The following PCNX4 variants were observed in gnomAD, a reference collection of about 807,000 sequenced individuals.
The protein encoded by PCNX4 is pecanex 4.
A neutral mutation model predicts 107.2 loss-of-function variants in PCNX4; 103 were observed. The ratio of observed to expected loss-of-function variants is 0.96; its 90% CI spans 0.82 to 1.13. PCNX4 has a LOEUF of 1.13. Among genes scored for constraint, PCNX4 ranks in the 50% most tolerant of loss-of-function variants. PCNX4 has a pLI of 0.00. For synonymous variants in PCNX4, 541 were observed against 481.7 expected, an observed-to-expected ratio of 1.12 and a Z score of -1.61; for missense variants, 1,528 against 1,379.4, an observed-to-expected ratio of 1.11 and a Z score of -1.71.
rs997539106 is a variant in PCNX4 at position 60,115,231 on chromosome 14, T to C, written c.1127T>C (p.Phe376Ser). The C allele has an allele frequency of 3.7e-6, 6 of 1,613,236 alleles. No individual in the cohort carries two copies. The highest frequency in any genetic ancestry group is 1.3e-5 in the African/African-American group (1 of 74,896). Residue 376 changes from phenylalanine to serine, a missense_variant, in exon 4 of 11, where the codon TTT becomes TCT. Coordinates refer to ENST00000406854, the MANE Select transcript of PCNX4 (RefSeq NM_001330177.2). ...TTAGAAACTAGCTTGCTTCATCACTTTGCTGGCTTCTCACAGATTTCTAAA... is the reference window on the plus strand; with the variant it reads ...TTAGAAACTAGCTTGCTTCATCACTCTGCTGGCTTCTCACAGATTTCTAAA... ...ALLETSLLHH[F>S]AGFSQISKSN...
At chr14:60,117,804 T>G (rs1895879015) in intron 6 of PCNX4, among the ~76,000 whole-genome samples, 1 of 152,180 alleles carries the variant, frequency 6.6e-6, no homozygotes. Context: ...TGGTAGAAGT[T>G]GGTGAAGGAT....
At chr14:60,103,087 T>G (rs967494619) in intron 1 of PCNX4, among the ~76,000 whole-genome samples, 2 of 152,224 alleles carry the variant, frequency 1.3e-5, no homozygotes, top group East Asian at 3.8e-4. Flanking sequence ...AGGTCTGATA[T>G]GCTTGCTACC....
chr14:60,133,983 G>T lies in PCNX4; in HGVS notation c.3281G>T (p.Gly1094Val). Residue 1094 changes from glycine to valine, a missense_variant, in exon 11 of 11, where the codon GGG (glycine) becomes GTG (valine). By Grantham distance (109) the Gly-to-Val change is moderately radical. Transcript: ENST00000406854. Reference sequence around the variant, plus strand: ...TTTACTTTAAAGGGAATTTACACTGGGAGAGTGCTTAGCCTTCAAGAATTA... The same window carrying T: ...TTTACTTTAAAGGGAATTTACACTGTGAGAGTGCTTAGCCTTCAAGAATTA... Reference protein sequence around the residue: ...GYDSNMGIYTGRVLSLQELLI... With the variant: ...GYDSNMGIYTVRVLSLQELLI... 6.2e-7 allele frequency: 1 copy of T among 1,612,476 alleles called. No individual in the cohort carries two copies. Among genetic ancestry groups the T allele is most frequent in the Non-Finnish European group, 8.5e-7 (1 of 1,179,066 alleles).
chr14:60,120,607 A>G (rs1389478762), intron 7 of PCNX4, among the ~76,000 whole-genome samples: 2 of 152,224 alleles, frequency 1.3e-5, no homozygotes, highest in Non-Finnish European at 2.9e-5. Flanking sequence ...AAACATCTGA[A>G]AAGTTTATCA....
chr14:60,105,901 A>G (rs1895619155), intron 1 of PCNX4, among the ~76,000 whole-genome samples: 1 of 152,180 alleles, frequency 6.6e-6, no homozygotes, highest in South Asian at 2.1e-4. Flanking sequence ...TTCAAAATCC[A>G]GTCTATCCCT....
chr14:60,115,619 C>G (rs1456137454), intron 4 of PCNX4, 100 bp from the exon 5 acceptor site: 112 of 1,343,076 alleles, frequency 8.3e-5, no homozygotes, highest in Non-Finnish European at 1.1e-4. Context: ...TAGTTCATCG[C>G]TTAAATGTGC....
In PCNX4 at chr14:60,092,263, GGGCCGCGGTGAGCTCGTTATTC is replaced by G. The variant is rs1895313668; in HGVS notation, c.-203_-182del. On this transcript the variant is annotated 5_prime_UTR_variant, in exon 1 of 11. It introduces an in-frame stop codon into an upstream open reading frame of the 5' UTR. Transcript: ENST00000406854. ...TGGAAACCGAGAGCTGGCCCGGGCGGGGCCGCGGTGAGCTCGTTATTCGGCCGCCGCAGCTTTTCTGCCTCCG... is the reference window on the plus strand; with the variant it reads ...TGGAAACCGAGAGCTGGCCCGGGCGGGGCCGCCGCAGCTTTTCTGCCTCCG... 6.6e-6 allele frequency: 1 copy of G among 152,284 alleles called. No homozygotes were observed. Among genetic ancestry groups the G allele is most frequent in the Non-Finnish European group, 1.5e-5 (1 of 68,068 alleles). 9.4% of individuals were successfully genotyped at this position (152,284 alleles called of 1,614,324 possible). A position where few individuals can be genotyped will look rare whatever the true frequency, so the allele number is the denominator to read the frequency against.
At chr14:60,114,554 A>C in intron 2 of PCNX4, 146 bp from the exon 3 acceptor site, 1 of 600,646 alleles carries the variant, frequency 1.7e-6, no homozygotes, top group Non-Finnish European at 2.8e-6. Context: ...ATCATTTGTA[A>C]GTTGGGACTA....
intron 7 of PCNX4, 103 bp from the exon 8 acceptor site, chr14:60,121,093 C>A: frequency 7.3e-7 from 1 of 1,365,426 alleles, no homozygotes; most frequent in Non-Finnish European, 9.7e-7. Flanking sequence ...AGTCGTGAAT[C>A]AGTTCTAGAT....
At position 60,136,196 on chromosome 14, in the gene PCNX4, G is replaced by A. The variant is rs1274942745; in HGVS notation, c.*1975G>A. On this transcript the variant is annotated 3_prime_UTR_variant, in exon 11 of 11. Coordinates refer to ENST00000406854, the MANE Select transcript of PCNX4 (RefSeq NM_001330177.2). ...TAATTGACACATTTGACCATTCCTT[G>A]AAGCAGCTTTTGTGTTTTCTTTTGA... 2 of 151,616 alleles carry A rather than the reference G, an allele frequency of 1.3e-5. No individual in the cohort carries two copies. The highest frequency in any genetic ancestry group is 2.9e-5 in the Non-Finnish European group (2 of 67,922). The allele number at this position is 151,616 out of a possible 1,614,324, so 9.4% of individuals were successfully genotyped here.
rs1895388197 is a variant in PCNX4, at chr14:60,094,752, T to G, written c.-54+2333T>G. Reference sequence around the variant, plus strand: ...GCAGGTTTTTGCAATATACTTGTGTTGCTGTAGAGCCCCCCCCCACCCCCA... The same window carrying G: ...GCAGGTTTTTGCAATATACTTGTGTGGCTGTAGAGCCCCCCCCCACCCCCA... On this transcript the variant is annotated intron_variant, in intron 1 of 10. Transcript: ENST00000406854. Among the ~76,000 whole-genome samples, 7 of 76,640 alleles carry G rather than the reference T, an allele frequency of 9.1e-5. No individual in the cohort carries two copies. In the Admixed American group the frequency reaches 9.7e-4, roughly 11 times the overall value. 50.3% of individuals were successfully genotyped at this position (76,640 alleles called of 152,430 possible).
At chr14:60,118,259 C>G (rs1895887830) in intron 6 of PCNX4, 70 bp from the exon 7 acceptor site, 1 of 1,455,210 alleles carries the variant, frequency 6.9e-7, no homozygotes, top group Non-Finnish European at 9.1e-7. Flanking sequence ...TATAGTCTGT[C>G]TTATATGATC....
At position 60,118,674 on chromosome 14, in the gene PCNX4, A is replaced by G. The variant is rs141616211; in HGVS notation, c.1924A>G (p.Met642Val). 3.0e-5 allele frequency: 48 copies of G among 1,578,456 alleles called. No homozygotes were observed. In the African/African-American group the frequency reaches 4.2e-4, roughly 14 times the overall value. Residue 642 changes from methionine (M) to valine (V), a missense_variant, in exon 7 of 11, where the codon ATG becomes GTG. Met to Val is a conservative substitution (Grantham distance 21, BLOSUM62 1). Transcript: ENST00000406854. ...GTTGACTGCTGTACTGCAGACTGCA[A>G]TGGCAGCTGGAAGTTTAGGTAAGTA... is the stretch of plus-strand genomic sequence containing the variant. ...PRLTAVLQTAMAAGSLGLLLP... is the reference protein window; with the variant it reads ...PRLTAVLQTAVAAGSLGLLLP...
intron 2 of PCNX4, among the ~76,000 whole-genome samples, chr14:60,111,409 AATACC>A (rs1895738743): frequency 6.6e-6 from 1 of 152,216 alleles, no homozygotes; most frequent in Non-Finnish European, 1.5e-5. Flanking sequence ...TTGGTTTTTT[AATACC>A]TCTACCATTT....
At chr14:60,112,758 T>G (rs1377692984) in intron 2 of PCNX4, among the ~76,000 whole-genome samples, 1 of 152,240 alleles carries the variant, frequency 6.6e-6, no homozygotes, top group Non-Finnish European at 1.5e-5. Context: ...ACTATTTATG[T>G]GTGGTTTGAT....
intron 1 of PCNX4, among the ~76,000 whole-genome samples, chr14:60,105,836 A>G (rs1278969917): frequency 2.0e-5 from 3 of 152,230 alleles, no homozygotes; most frequent in African/African-American, 7.2e-5. Flanking sequence ...CAGTAGAGCC[A>G]GAAGGGCCAA....
At position 60,115,362 on chromosome 14, in the gene PCNX4, C is replaced by G. The variant is rs757323521; in HGVS notation, c.1258C>G (p.Pro420Ala). 5 of 1,603,480 alleles carry G rather than the reference C, an allele frequency of 3.1e-6. No homozygotes were observed. Among genetic ancestry groups the G allele is most frequent in the Non-Finnish European group, 4.3e-6 (5 of 1,174,368 alleles). ...ATATATCATTGGAATTTTCCGAAATCCCTTTTATCCGAAGGATGTGCAAAC... is the reference window on the plus strand; with the variant it reads ...ATATATCATTGGAATTTTCCGAAATGCCTTTTATCCGAAGGATGTGCAAAC... ...SVYIIGIFRN[P>A]FYPKDVQTVT... Residue 420 changes from proline to alanine, a missense_variant, in exon 4 of 11, where the codon CCC becomes GCC. By Grantham distance (27) the Pro-to-Ala change is conservative (BLOSUM62 -1). Transcript: ENST00000406854.
chr14:60,116,821 A>G (rs1469684272), intron 6 of PCNX4, among the ~76,000 whole-genome samples: 1 of 152,220 alleles, frequency 6.6e-6, no homozygotes, highest in Non-Finnish European at 1.5e-5. Context: ...AAGACTTTCC[A>G]GTGGAACAAG....
rs1896028539 is a variant in PCNX4, at chr14:60,125,090, T to C, written c.2919T>C (p.His973=). The C allele has an allele frequency of 6.2e-7, 1 of 1,613,420 alleles. No homozygotes were observed. The highest frequency in any genetic ancestry group is 1.3e-5 in the African/African-American group (1 of 74,918). ...KDKVLKDFYV[H]TVMTCYFSLF... ...AAGTTTTAAAAGACTTTTATGTTCA[T>C]ACAGTAATGACTTGTTATTTTAGTT... The change falls in exon 9 of 11, where the codon CAT becomes CAC. Residue 973 remains histidine, a synonymous_variant. Coordinates refer to ENST00000406854, the MANE Select transcript of PCNX4 (RefSeq NM_001330177.2).
Sources: gnomAD v4.1 joint callset for allele counts (sites outside exome capture counted in the v4.1 genomes callset) on GRCh38, gnomAD v4.1.1 for gene constraint, MANE v1.5 for transcripts, NCBI Gene and HGNC (gene_info 2026-07-23, HGNC 2026-07-21) for gene names.